The following GALNT13 variants were observed in gnomAD, a reference collection of about 807,000 sequenced individuals.
GALNT13 encodes the protein polypeptide N-acetylgalactosaminyltransferase 13, also known as UDP-GalNAc:polypeptide N-acetylgalactosaminyltransferase 13.
GALNT13 carries 28 observed loss-of-function variants against 64.2 expected under a neutral mutation model. The ratio of observed to expected loss-of-function variants is 0.44; its 90% confidence interval spans 0.32 to 0.60. The LOEUF (loss-of-function observed/expected upper bound fraction) is 0.60. Ranked by LOEUF, GALNT13 falls within the 20% of genes least tolerant of loss-of-function variation. GALNT13 has a pLI of 0.05. For synonymous variants in GALNT13, 214 were observed against 224.6 expected (o/e 0.95, Z 0.42); for missense variants, 577 against 669.8 (o/e 0.86, Z 1.53).
chr2:153,364,267 C>G, the GALNT13 span, among the ~76,000 whole-genome samples: 1 of 152,050 alleles, frequency 6.6e-6, no homozygotes, highest in African/African-American at 2.4e-5. Flanking sequence ...TATGACAAAT[C>G]CACAGCCAAT....
intron 11 of GALNT13, chr2:154,409,435 T>A (rs1185431737): frequency 4.4e-6 from 1 of 229,090 alleles, no homozygotes; most frequent in Non-Finnish European, 8.5e-6. Flanking sequence ...TCCCAATGGT[T>A]ATTTTTATCC....
intron 11 of GALNT13, among the ~76,000 whole-genome samples, chr2:154,419,258 G>C (rs1015651680): frequency 6.6e-6 from 1 of 152,126 alleles, no homozygotes; most frequent in Admixed American, 6.6e-5. Context: ...ATCCTGCCGA[G>C]TGTTGCCTGG....
intron 4 of GALNT13, among the ~76,000 whole-genome samples, chr2:154,214,386 G>A (rs1006812478): frequency 5.9e-5 from 9 of 152,004 alleles, no homozygotes; most frequent in Non-Finnish European, 8.8e-5. Context: ...TACTATTGTT[G>A]TATTTGCCTC....
At chr2:153,641,231 G>GT in the GALNT13 span, among the ~76,000 whole-genome samples, 17 of 152,222 alleles carry the variant, frequency 1.1e-4, no homozygotes, top group South Asian at 2.1e-4. Context: ...TAATGTAAGC[G>GT]TAAGAGCCAC....
intron 7 of GALNT13, among the ~76,000 whole-genome samples, chr2:154,248,157 C>T (rs1573950805): frequency 6.6e-6 from 1 of 152,028 alleles, no homozygotes; most frequent in African/African-American, 2.4e-5. Flanking sequence ...ACTTTGTAGT[C>T]ACCATAATTG....
At chr2:153,734,174 C>T in the GALNT13 span, among the ~76,000 whole-genome samples, 10,523 of 152,180 alleles carry the variant, frequency 0.069, 385 homozygotes, top group African/African-American at 0.093. Flanking sequence ...GCTTGTTTTT[C>T]ATGTTGCACT....
chr2:153,169,722 GAC>G, the GALNT13 span, among the ~76,000 whole-genome samples: 1 of 152,176 alleles, frequency 6.6e-6, no homozygotes, highest in East Asian at 1.9e-4. Context: ...GTGAGGCTGA[GAC>G]AGACACATAG....
At chr2:154,093,683 T>C (rs537993035) in intron 3 of GALNT13, among the ~76,000 whole-genome samples, 73 of 151,652 alleles carry the variant, frequency 4.8e-4, no homozygotes, top group Admixed American at 8.6e-4. Flanking sequence ...TTTTTTTTTT[T>C]CATCGGACTC....
chr2:154,284,340 T>A (rs575091823), intron 8 of GALNT13, among the ~76,000 whole-genome samples: 2 of 152,298 alleles, frequency 1.3e-5, no homozygotes, highest in African/African-American at 4.8e-5. Flanking sequence ...AGATTCCTCA[T>A]GTAAGTGAAT....
the GALNT13 span, among the ~76,000 whole-genome samples, chr2:153,457,364 T>G: frequency 6.6e-6 from 1 of 152,216 alleles, no homozygotes; most frequent in African/African-American, 2.4e-5. Flanking sequence ...ATATAGCTAA[T>G]AAAAGTATTT....
the GALNT13 span, among the ~76,000 whole-genome samples, chr2:153,086,016 A>G: frequency 1.3e-5 from 2 of 152,156 alleles, no homozygotes; most frequent in Non-Finnish European, 2.9e-5. Flanking sequence ...GTCAAAGGAG[A>G]TCATTTAGAA....
At chr2:153,207,849 C>T in the GALNT13 span, among the ~76,000 whole-genome samples, 1 of 152,078 alleles carries the variant, frequency 6.6e-6, no homozygotes, top group Non-Finnish European at 1.5e-5. Flanking sequence ...ATGGGAAAAA[C>T]GCTGTTAAAT....
the GALNT13 span, among the ~76,000 whole-genome samples, chr2:153,106,833 G>A: frequency 6.6e-5 from 10 of 152,092 alleles, no homozygotes. Context: ...TATAAGCTCT[G>A]GGACTTGTTT....
chr2:153,922,540 T>C (rs1223559231), intron 2 of GALNT13, among the ~76,000 whole-genome samples: 2 of 152,154 alleles, frequency 1.3e-5, no homozygotes, highest in Non-Finnish European at 2.9e-5. Flanking sequence ...TAAACTATAA[T>C]TAGAAAAGCT....
At chr2:154,295,691 G>A (rs903577626) in intron 8 of GALNT13, among the ~76,000 whole-genome samples, 2 of 152,046 alleles carry the variant, frequency 1.3e-5, no homozygotes, top group Non-Finnish European at 1.5e-5. Flanking sequence ...AAGCTCTAAT[G>A]TCCACTGTAA....
At chr2:153,186,967 T>C in the GALNT13 span, among the ~76,000 whole-genome samples, 11 of 152,332 alleles carry the variant, frequency 7.2e-5, 1 homozygote, top group African/African-American at 2.2e-4. Context: ...CTGAATTCCC[T>C]AAGTATTTGC....
At chr2:153,308,447 C>T in the GALNT13 span, among the ~76,000 whole-genome samples, 1 of 152,122 alleles carries the variant, frequency 6.6e-6, no homozygotes, top group African/African-American at 2.4e-5. Context: ...TCGACAGAAC[C>T]ACCTTCTACT....
the GALNT13 span, among the ~76,000 whole-genome samples, chr2:153,803,581 A>G: frequency 3.3e-5 from 5 of 151,034 alleles, no homozygotes; most frequent in Non-Finnish European, 5.9e-5. Context: ...AGTCCCAGCT[A>G]CTCGGGAGGC....
the GALNT13 span, among the ~76,000 whole-genome samples, chr2:153,613,258 G>A: frequency 7.9e-5 from 12 of 152,280 alleles, no homozygotes; most frequent in African/African-American, 2.6e-4. Context: ...GAGGGCAAGA[G>A]ATCAAAGAGA....
Sources: gnomAD v4.1 joint callset for allele counts (sites outside exome capture counted in the v4.1 genomes callset) on GRCh38, gnomAD v4.1.1 for gene constraint, MANE v1.5 for transcripts, NCBI Gene and HGNC (gene_info 2026-07-23, HGNC 2026-07-21) for gene names.